HACE1: variants seen among roughly 807,000 people sequenced by gnomAD.
The protein encoded by HACE1 is HECT domain and ankyrin repeat containing E3 ubiquitin protein ligase 1.
In HACE1, 73 loss-of-function variants were observed where a neutral mutation model predicts 118.4. The ratio of observed to expected loss-of-function variants is 0.62; its 90% confidence interval spans 0.51 to 0.75. The LOEUF (loss-of-function observed/expected upper bound fraction) is 0.75, where lower values mean the gene tolerates loss of function less well. Among genes scored for constraint, HACE1 ranks in the 30% least tolerant of loss-of-function variants. The pLI is 0.00. For missense variants in HACE1, 749 were observed against 1,102.2 expected (o/e 0.68, Z 4.54); for synonymous variants, 368 against 374.8 (o/e 0.98, Z 0.21).
At chr6:104,761,847 T>C (rs533368407) in intron 19 of HACE1, among the ~76,000 whole-genome samples, 1 of 151,742 alleles carries the variant, frequency 6.6e-6, no homozygotes, top group Admixed American at 6.6e-5. Flanking sequence ...TAAACAAATT[T>C]ACAAGAAAAA....
intron 19 of HACE1, among the ~76,000 whole-genome samples, chr6:104,766,349 C>T (rs1340345761): frequency 6.6e-6 from 1 of 152,056 alleles, no homozygotes; most frequent in Non-Finnish European, 1.5e-5. Context: ...TTCTGAGTGC[C>T]CCCTGGTCAT....
chr6:104,852,402 T>A (rs757148297), intron 1 of HACE1, 31 bp from the exon 2 acceptor site: 1 of 1,309,384 alleles, frequency 7.6e-7, no homozygotes, highest in Non-Finnish European at 1.1e-6. Flanking sequence ...AGTTCATTTA[T>A]CCCCTACTTT....
intron 6 of HACE1, among the ~76,000 whole-genome samples, chr6:104,814,768 T>G (rs1203733523): frequency 7.3e-6 from 1 of 136,966 alleles, no homozygotes; most frequent in Admixed American, 7.2e-5. Context: ...GCTCATGGTT[T>G]AAAAGTGTGT....
intron 19 of HACE1, among the ~76,000 whole-genome samples, chr6:104,754,623 G>A (rs1778408602): frequency 6.6e-6 from 1 of 152,162 alleles, no homozygotes; most frequent in African/African-American, 2.4e-5. Context: ...GAGACTGGTG[G>A]CCAATATTCA....
At chr6:104,804,640 A>G (rs1770791302) in intron 7 of HACE1, among the ~76,000 whole-genome samples, 1 of 152,200 alleles carries the variant, frequency 6.6e-6, no homozygotes, top group Admixed American at 6.5e-5. Flanking sequence ...GGTGCTGGGA[A>G]AACTGGCTAG....
intron 17 of HACE1, among the ~76,000 whole-genome samples, chr6:104,775,736 C>T (rs1405573177): frequency 1.3e-5 from 2 of 152,182 alleles, no homozygotes; most frequent in South Asian, 2.1e-4. Flanking sequence ...AGTGTATCCA[C>T]GAAACCCATC....
chr6:104,827,003 T>C (rs1423113829), intron 6 of HACE1, among the ~76,000 whole-genome samples: 1 of 152,188 alleles, frequency 6.6e-6, no homozygotes, highest in African/African-American at 2.4e-5. Context: ...AGAAATAACA[T>C]ATTTCAACAG....
chr6:104,859,485 C>T lies in HACE1; in HGVS notation c.76+82G>A, dbSNP rs755089947. The T allele has an allele frequency of 1.0e-5, 11 of 1,064,824 alleles. No individual in the cohort carries two copies. In the South Asian group the frequency reaches 1.8e-4, roughly 17 times the overall value. The allele number at this position is 1,064,824 out of a possible 1,614,324, so 66.0% of individuals were successfully genotyped here. A position where few individuals can be genotyped will look rare whatever the true frequency, so the allele number is the denominator to read the frequency against. ...TCTCAGCTTTCAGTTAGTTTTTCCA[C>T]CCGACCTTGACGCGGCCGGAGCTCC... On this transcript the variant is annotated intron_variant, in intron 1 of 23. Transcript: ENST00000262903.
intron 10 of HACE1, among the ~76,000 whole-genome samples, chr6:104,793,264 C>A (rs1487118599): frequency 8.8e-6 from 1 of 113,628 alleles, no homozygotes; most frequent in Non-Finnish European, 1.7e-5. Flanking sequence ...GAGACTACAT[C>A]TCAAAAAAAA....
At chr6:104,755,619 A>G (rs1253286207) in intron 19 of HACE1, among the ~76,000 whole-genome samples, 1 of 152,258 alleles carries the variant, frequency 6.6e-6, no homozygotes, top group Non-Finnish European at 1.5e-5. Flanking sequence ...ACTCAAGATT[A>G]AGAAATTCAC....
intron 5 of HACE1, among the ~76,000 whole-genome samples, chr6:104,841,819 A>G (rs2115157533): frequency 6.6e-6 from 1 of 152,346 alleles, no homozygotes; most frequent in East Asian, 1.9e-4. Flanking sequence ...ACTACTCAAC[A>G]GTAACATAAT....
At chr6:104,840,626 C>T (rs752457180) in intron 5 of HACE1, among the ~76,000 whole-genome samples, 2 of 151,882 alleles carry the variant, frequency 1.3e-5, no homozygotes, top group African/African-American at 2.4e-5. Context: ...GTCAGGAGTT[C>T]GAGATCAGCC....
chr6:104,803,371 A>G (rs1224805374), intron 7 of HACE1, among the ~76,000 whole-genome samples: 3 of 152,224 alleles, frequency 2.0e-5, no homozygotes, highest in Non-Finnish European at 4.4e-5. Context: ...TTATGAGGAC[A>G]GCATCATCCT....
intron 19 of HACE1, among the ~76,000 whole-genome samples, chr6:104,758,069 T>G (rs1210803178): frequency 1.3e-5 from 2 of 152,176 alleles, no homozygotes; most frequent in African/African-American, 2.4e-5. Flanking sequence ...AATATACATT[T>G]GATTGGTGTG....
intron 19 of HACE1, among the ~76,000 whole-genome samples, chr6:104,768,181 T>C (rs1780210618): frequency 6.6e-6 from 1 of 152,166 alleles, no homozygotes; most frequent in Admixed American, 6.6e-5. Flanking sequence ...TTAATAAAAC[T>C]TGGGAATAAG....
At chr6:104,757,815 T>C (rs1778891869) in intron 19 of HACE1, among the ~76,000 whole-genome samples, 1 of 152,140 alleles carries the variant, frequency 6.6e-6, no homozygotes, top group Admixed American at 6.5e-5. Context: ...GTTAAACGAA[T>C]GGCTAACTAG....
rs1769592624 is a variant in HACE1 at position 104,796,119 on chromosome 6, T to C, written c.817-434A>G. On this transcript the variant is annotated intron_variant, in intron 9 of 23. Coordinates refer to ENST00000262903, the MANE Select transcript of HACE1 (RefSeq NM_020771.4). ...TTATTTTATTTTTATTTTTATTTTT[T>C]TAAAGATAGAGCATCACTGTATCGC... Among the ~76,000 whole-genome samples, 3 of 152,288 alleles carry C rather than the reference T, an allele frequency of 2.0e-5. No individual in the cohort carries two copies. The South Asian group carries it at 6.2e-4, about 32-fold the overall frequency.
chr6:104,748,381 A>C (rs549776371), intron 20 of HACE1, among the ~76,000 whole-genome samples: 2 of 152,198 alleles, frequency 1.3e-5, no homozygotes, highest in Non-Finnish European at 2.9e-5. Flanking sequence ...AATCTCAAGG[A>C]AAGACCACTA....
At chr6:104,750,996 C>T (rs1456125677) in intron 19 of HACE1, among the ~76,000 whole-genome samples, 1 of 152,194 alleles carries the variant, frequency 6.6e-6, no homozygotes. Flanking sequence ...TCTGGAGTAA[C>T]ATCCAAATTC....
Sources: allele counts gnomAD v4.1 joint callset (sites outside exome capture counted in the v4.1 genomes callset), GRCh38; gene constraint gnomAD v4.1.1; transcripts MANE v1.5; gene names NCBI Gene and HGNC (gene_info 2026-07-23, HGNC 2026-07-21).